Variants in CORO2A observed in about 807,000 individuals in gnomAD.
The protein encoded by CORO2A is coronin-2A.
In CORO2A, 47 loss-of-function variants were observed where a neutral mutation model predicts 62.4. The observed-to-expected ratio is 0.75, with a 90% confidence interval of 0.60 to 0.96. The LOEUF (loss-of-function observed/expected upper bound fraction) is 0.96, where lower values mean the gene tolerates loss of function less well. Ranked by LOEUF, CORO2A falls within the 40% of genes least tolerant of loss-of-function variation. The probability of loss-of-function intolerance (pLI) is 0.00; values close to 1 mark genes in which losing one functional copy is unlikely to be tolerated. For synonymous variants in CORO2A, 273 were observed against 268.9 expected (o/e 1.02, Z -0.15); for missense variants, 610 against 684.1 (o/e 0.89, Z 1.21).
intron 1 of CORO2A, among the ~76,000 whole-genome samples, chr9:98,161,706 C>T (rs991529460): frequency 5.3e-5 from 8 of 151,940 alleles, no homozygotes; most frequent in Non-Finnish European, 8.8e-5. Context: ...GTGAAGTGGA[C>T]GGGATGGTGG....
chr9:98,170,584 G>A (rs1390115691), intron 1 of CORO2A, among the ~76,000 whole-genome samples: 1 of 152,136 alleles, frequency 6.6e-6, no homozygotes, highest in African/African-American at 2.4e-5. Context: ...TGGGATTACA[G>A]GTGTGCACCA....
At position 98,123,810 on chromosome 9, in the gene CORO2A, C is replaced by G. The variant is rs961461880; in HGVS notation, c.*964G>C. On this transcript the variant is annotated 3_prime_UTR_variant, in exon 12 of 12. Transcript: ENST00000375077. Reference sequence around the variant, plus strand: ...AGCTGGGATTACAGGCATGCACCACCATGCCTGGTTAATTTTTTATTTTTA... The same window carrying G: ...AGCTGGGATTACAGGCATGCACCACGATGCCTGGTTAATTTTTTATTTTTA... 1 of 152,126 alleles carries G rather than the reference C, an allele frequency of 6.6e-6. No homozygotes were observed. Among genetic ancestry groups the G allele is most frequent in the Non-Finnish European group, 1.5e-5 (1 of 68,038 alleles). 9.4% of individuals were successfully genotyped at this position (152,126 alleles called of 1,614,324 possible). A position where few individuals can be genotyped will look rare whatever the true frequency, so the allele number is the denominator to read the frequency against.
At chr9:98,151,074 C>T (rs189332255) in intron 2 of CORO2A, among the ~76,000 whole-genome samples, 35 of 152,286 alleles carry the variant, frequency 2.3e-4, no homozygotes, top group African/African-American at 8.4e-4. Flanking sequence ...TTTGCTTGTG[C>T]CCTTCCCTTT....
chr9:98,154,150 GTCC>G (rs138066490), intron 2 of CORO2A, among the ~76,000 whole-genome samples: 7,741 of 151,458 alleles, frequency 0.051, 546 homozygotes, highest in African/African-American at 0.16. Context: ...TTCTTATTCT[GTCC>G]TCCTTGTCTG....
chr9:98,185,544 G>A (rs1828228496), intron 1 of CORO2A, among the ~76,000 whole-genome samples: 1 of 152,194 alleles, frequency 6.6e-6, no homozygotes, highest in Admixed American at 6.5e-5. Context: ...CATTGCTGGA[G>A]GCTCGTATCT....
intron 1 of CORO2A, among the ~76,000 whole-genome samples, chr9:98,178,172 G>A (rs1436946255): frequency 1.3e-5 from 2 of 152,190 alleles, no homozygotes; most frequent in East Asian, 3.9e-4. Flanking sequence ...TCAGCCTCCT[G>A]AGTAGCTGGG....
Position 98,130,979 on chromosome 9 carries a change from G to A in CORO2A, c.846C>T (p.Thr282=). The A allele has an allele frequency of 6.2e-7, 1 of 1,613,958 alleles. No homozygotes were observed. Among genetic ancestry groups the A allele is most frequent in the South Asian group, 1.1e-5 (1 of 91,034 alleles). ...CCTTCCCCACCACGTAGAGCATGCTGGTGTCCGCGTCATAGAAGGGAAACA... is the reference window on the plus strand; with the variant it reads ...CCTTCCCCACCACGTAGAGCATGCTAGTGTCCGCGTCATAGAAGGGAAACA... The part of the protein sequence containing the change: ...GVLFPFYDAD[T]SMLYVVGKGD... Residue 282 remains threonine (T), a synonymous_variant, in exon 7 of 12, where the codon ACC becomes ACT. Transcript: ENST00000375077.
rs1395601965 is a variant in CORO2A at position 98,122,388 on chromosome 9, GGT to G, written c.*2384_*2385del. On this transcript the variant is annotated 3_prime_UTR_variant, in exon 12 of 12. Coordinates refer to ENST00000375077, the MANE Select transcript of CORO2A (RefSeq NM_052820.4). ...AGGGAATTCTAATGTACACAGCTTG[GGT>G]TGAAACCTACCAGACTAGGTGGCCT... 1 of 152,196 alleles carries G rather than the reference GGT, an allele frequency of 6.6e-6. No homozygotes were observed. Among genetic ancestry groups the G allele is most frequent in the African/African-American group, 2.4e-5 (1 of 41,412 alleles). The allele number at this position is 152,196 out of a possible 1,614,324, so 9.4% of individuals were successfully genotyped here.
intron 6 of CORO2A, among the ~76,000 whole-genome samples, chr9:98,131,586 T>G (rs973044701): frequency 6.6e-6 from 1 of 152,122 alleles, no homozygotes; most frequent in Non-Finnish European, 1.5e-5. Context: ...TCTGAAGTGC[T>G]GGGATTACAC....
chr9:98,150,735 G>T (rs1282459239), intron 2 of CORO2A, among the ~76,000 whole-genome samples: 1 of 152,232 alleles, frequency 6.6e-6, no homozygotes, highest in Non-Finnish European at 1.5e-5. Context: ...AGTTTGTTTG[G>T]TGGACGTAAT....
chr9:98,137,524 C>G, intron 3 of CORO2A, 48 bp downstream of exon 3: 1 of 1,496,374 alleles, frequency 6.7e-7, no homozygotes. Context: ...CCAACCACCC[C>G]AATCCCACTC....
At chr9:98,145,327 T>C (rs1445503179) in intron 2 of CORO2A, among the ~76,000 whole-genome samples, 1 of 152,234 alleles carries the variant, frequency 6.6e-6, no homozygotes, top group Non-Finnish European at 1.5e-5. Context: ...TTCCCACTTC[T>C]GGTCCTGGCG....
chr9:98,125,146 T>C (rs140094796), intron 11 of CORO2A, among the ~76,000 whole-genome samples: 1 of 152,290 alleles, frequency 6.6e-6, no homozygotes, highest in East Asian at 1.9e-4. Context: ...CTCCATGAAA[T>C]AGAGGAAAGG....
intron 1 of CORO2A, among the ~76,000 whole-genome samples, chr9:98,190,599 C>A (rs1021329057): frequency 6.6e-6 from 1 of 152,130 alleles, no homozygotes; most frequent in African/African-American, 2.4e-5. Context: ...AATGAGACGA[C>A]GTCTGAAGGC....
chr9:98,166,612 T>C (rs1827964427), intron 1 of CORO2A, among the ~76,000 whole-genome samples: 2 of 152,118 alleles, frequency 1.3e-5, no homozygotes, highest in Non-Finnish European at 2.9e-5. Flanking sequence ...GTACGGCAGT[T>C]CATCAAAAAT....
At chr9:98,163,201 T>A (rs1827909141) in intron 1 of CORO2A, among the ~76,000 whole-genome samples, 1 of 152,252 alleles carries the variant, frequency 6.6e-6, no homozygotes, top group Non-Finnish European at 1.5e-5. Context: ...TCTTTTTTTT[T>A]CTTTGAGACG....
At chr9:98,162,446 G>A (rs1827898801) in intron 1 of CORO2A, among the ~76,000 whole-genome samples, 1 of 152,174 alleles carries the variant, frequency 6.6e-6, no homozygotes, top group Non-Finnish European at 1.5e-5. Context: ...GTGCCCTTCT[G>A]TCCGTCCCCC....
At chr9:98,127,297 C>G (rs1457261024) in intron 10 of CORO2A, among the ~76,000 whole-genome samples, 1 of 152,218 alleles carries the variant, frequency 6.6e-6, no homozygotes, top group African/African-American at 2.4e-5. Context: ...CCGCTGCCCC[C>G]CAAGGCAGAG....
intron 1 of CORO2A, among the ~76,000 whole-genome samples, chr9:98,172,344 C>T (rs1828049204): frequency 8.8e-6 from 1 of 113,642 alleles, no homozygotes; most frequent in African/African-American, 3.6e-5. Flanking sequence ...CAGCCCCACA[C>T]CCCACTTCTG....
Sources: gnomAD v4.1 joint callset for allele counts (sites outside exome capture counted in the v4.1 genomes callset) on GRCh38, gnomAD v4.1.1 for gene constraint, MANE v1.5 for transcripts, NCBI Gene and HGNC (gene_info 2026-07-23, HGNC 2026-07-21) for gene names.